Variants in DNM3 observed in about 807,000 individuals in gnomAD.
The protein encoded by DNM3 is dynamin 3.
A neutral mutation model predicts 101.6 loss-of-function variants in DNM3; 47 were observed. The ratio of observed to expected loss-of-function variants is 0.46; its 90% CI spans 0.37 to 0.59. DNM3 has a LOEUF of 0.59. Ranked by LOEUF, DNM3 falls within the 20% of genes least tolerant of loss-of-function variation. DNM3 has a pLI of 0.00. For missense variants in DNM3, 849 were observed against 1,085.7 expected (o/e 0.78, Z 3.06); for synonymous variants, 385 against 387.9 (o/e 0.99, Z 0.09).
intron 11 of DNM3, among the ~76,000 whole-genome samples, chr1:172,079,596 A>AG (rs2052967563): frequency 6.6e-6 from 1 of 151,934 alleles, no homozygotes; most frequent in Non-Finnish European, 1.5e-5. Context: ...GTTTGTTATT[A>AG]CCCACCTTGT....
At chr1:172,219,409 G>T (rs1307744636) in intron 14 of DNM3, among the ~76,000 whole-genome samples, 1 of 142,032 alleles carries the variant, frequency 7.0e-6, no homozygotes, top group Admixed American at 7.0e-5. Flanking sequence ...AAAAGAAGAC[G>T]CTCTCAAGAG....
At chr1:172,397,144 T>G (rs2070074575) in intron 20 of DNM3, 1 of 152,648 alleles carries the variant, frequency 6.6e-6, no homozygotes, top group South Asian at 2.1e-4. Context: ...CTGTAAGAAC[T>G]GAGGAAAATG....
At position 172,227,271 on chromosome 1, in the gene DNM3, GATATATATATAT is replaced by G. The variant is rs140087796; in HGVS notation, c.1660-26279_1660-26268del. On this transcript the variant is annotated intron_variant, in intron 14 of 20. Transcript: ENST00000627582. ...TTTTAATGGCTGGATAGTATTTTGT[GATATATATATAT>G]ATATATATATATATATATATATCAC... Among the ~76,000 whole-genome samples the G allele has an allele frequency of 1.8e-3, 144 of 78,002 alleles. 4 individuals carry two copies. Among genetic ancestry groups the G allele is most frequent in the East Asian group, 3.2e-3 (9 of 2,838 alleles). The allele number at this position is 78,002 out of a possible 152,430, so 51.2% of individuals were successfully genotyped here.
At chr1:171,889,940 TTGTAGCTGTCCTGA>T (rs953997557) in intron 1 of DNM3, among the ~76,000 whole-genome samples, 20 of 152,316 alleles carry the variant, frequency 1.3e-4, no homozygotes, top group Admixed American at 7.8e-4. Flanking sequence ...TCTAGGTGTG[TTGTAGCTGTCCTGA>T]TTTGAGTTTA....
At chr1:172,334,230 T>A (rs2066319728) in intron 17 of DNM3, among the ~76,000 whole-genome samples, 1 of 152,148 alleles carries the variant, frequency 6.6e-6, no homozygotes, top group Admixed American at 6.5e-5. Flanking sequence ...TATCTTAAAG[T>A]CAAAAAATTT....
In DNM3 at chr1:171,971,797, G is replaced by T. The variant is rs2044013493; in HGVS notation, c.236-15859G>T. Among the ~76,000 whole-genome samples the T allele has an allele frequency of 3.3e-5, 5 of 152,134 alleles. No individual in the cohort carries two copies. In the South Asian group the frequency reaches 1.0e-3, roughly 32 times the overall value. ...AAATTGAAAATATAATATTTTCATG[G>T]TATTAAGCTTCATACGAAAATGAAG... On this transcript the variant is annotated intron_variant, in intron 2 of 20. Transcript: ENST00000627582.
chr1:172,024,635 G>A (rs546781538), intron 4 of DNM3, among the ~76,000 whole-genome samples: 1 of 152,350 alleles, frequency 6.6e-6, no homozygotes, highest in Non-Finnish European at 1.5e-5. Context: ...TAGACAGTGG[G>A]TGCAGCCCAT....
chr1:172,043,493 A>G (rs12027295), intron 8 of DNM3, among the ~76,000 whole-genome samples: 55,735 of 151,964 alleles, frequency 0.37, 10,680 homozygotes, highest in East Asian at 0.64. Flanking sequence ...GTAAAGTGAT[A>G]AACTTCAGCA....
chr1:172,157,382 G>A (rs1403369453), intron 14 of DNM3, among the ~76,000 whole-genome samples: 1 of 152,060 alleles, frequency 6.6e-6, no homozygotes, highest in Admixed American at 6.6e-5. Flanking sequence ...GTTCTTAACA[G>A]GCCAAGGACT....
At chr1:172,121,936 A>T (rs957726623) in intron 13 of DNM3, among the ~76,000 whole-genome samples, 1 of 152,176 alleles carries the variant, frequency 6.6e-6, no homozygotes, top group African/African-American at 2.4e-5. Flanking sequence ...GGCTTCTTTC[A>T]TCACAGTGAT....
chr1:172,242,262 T>C (rs1385049292), intron 14 of DNM3, among the ~76,000 whole-genome samples: 3 of 152,148 alleles, frequency 2.0e-5, no homozygotes, highest in Non-Finnish European at 2.9e-5. Context: ...TTTTAGTATG[T>C]AGACTTTCAC....
At chr1:171,982,928 C>T (rs1177089758) in intron 2 of DNM3, among the ~76,000 whole-genome samples, 2 of 152,146 alleles carry the variant, frequency 1.3e-5, no homozygotes, top group Non-Finnish European at 2.9e-5. Flanking sequence ...TGCCTCTTTC[C>T]TGTTCCTATG....
At chr1:171,930,617 G>A (rs1293414183) in intron 2 of DNM3, among the ~76,000 whole-genome samples, 2 of 152,092 alleles carry the variant, frequency 1.3e-5, no homozygotes, top group Non-Finnish European at 1.5e-5. Flanking sequence ...GATCCCTGGG[G>A]TCCCTCATTT....
rs771187889 is a variant in DNM3 at position 172,247,663 on chromosome 1, A to ATTTATTTC, written c.1660-5903_1660-5902insCTTTATTT. Among the ~76,000 whole-genome samples the ATTTATTTC allele has an allele frequency of 4.9e-3, 739 of 149,644 alleles. 4 individuals are homozygous for ATTTATTTC. Among genetic ancestry groups the ATTTATTTC allele is most frequent in the Non-Finnish European group, 8.0e-3 (541 of 67,412 alleles). ...ATTACTCTATTATTATTTCTTATTT[A>ATTTATTTC]TTTATTTATTTATTTATTTATTTAT... On this transcript the variant is annotated intron_variant, in intron 14 of 20. Coordinates refer to ENST00000627582, the MANE Select transcript of DNM3 (RefSeq NM_015569.5).
intron 17 of DNM3, among the ~76,000 whole-genome samples, chr1:172,330,795 A>T (rs1294876685): frequency 6.6e-6 from 1 of 152,214 alleles, no homozygotes; most frequent in African/African-American, 2.4e-5. Context: ...TATGTACCAT[A>T]AAAGAAATAG....
At chr1:172,341,799 A>G (rs2066698862) in intron 17 of DNM3, among the ~76,000 whole-genome samples, 1 of 152,148 alleles carries the variant, frequency 6.6e-6, no homozygotes, top group Admixed American at 6.6e-5. Context: ...CTTAGGCGAT[A>G]CCATTCTGGA....
intron 10 of DNM3, among the ~76,000 whole-genome samples, chr1:172,067,828 A>G (rs1365883195): frequency 6.6e-6 from 1 of 152,208 alleles, no homozygotes; most frequent in African/African-American, 2.4e-5. Flanking sequence ...GTACATATAC[A>G]CATATATTTT....
At chr1:172,210,801 T>C (rs985287777) in intron 14 of DNM3, among the ~76,000 whole-genome samples, 1 of 152,138 alleles carries the variant, frequency 6.6e-6, no homozygotes, top group African/African-American at 2.4e-5. Flanking sequence ...GGCTTCAACA[T>C]ACATCAGCAT....
At chr1:171,938,304 C>T (rs1167641466) in intron 2 of DNM3, among the ~76,000 whole-genome samples, 3 of 152,026 alleles carry the variant, frequency 2.0e-5, no homozygotes, top group African/African-American at 7.3e-5. Flanking sequence ...ACCTTCCAGG[C>T]ATAAACAGAG....
Sources: gnomAD v4.1 joint callset for allele counts (sites outside exome capture counted in the v4.1 genomes callset) on GRCh38, gnomAD v4.1.1 for gene constraint, MANE v1.5 for transcripts, NCBI Gene and HGNC (gene_info 2026-07-23, HGNC 2026-07-21) for gene names.